GABRG3: variants seen among roughly 807,000 people sequenced by gnomAD.
The protein encoded by GABRG3 is gamma-aminobutyric acid receptor subunit gamma-3.
In GABRG3, 25 loss-of-function variants were observed where a neutral mutation model predicts 48.8. The observed-to-expected ratio is 0.51, with a 90% CI of 0.37 to 0.72. GABRG3 has a LOEUF of 0.72. Ranked by LOEUF, GABRG3 falls within the 30% of genes least tolerant of loss-of-function variation. GABRG3 has a pLI of 0.00. For missense variants in GABRG3, 394 were observed against 577.9 expected (o/e 0.68, Z 3.26); for synonymous variants, 227 against 217.6 (o/e 1.04, Z -0.38).
chr15:27,386,978 A>G (rs1474546800), intron 5 of GABRG3, among the ~76,000 whole-genome samples: 1 of 152,222 alleles, frequency 6.6e-6, no homozygotes, highest in African/African-American at 2.4e-5. Context: ...GTTACTGTGC[A>G]TATAAAAGTT....
At chr15:27,258,238 T>C (rs1890678762) in intron 3 of GABRG3, among the ~76,000 whole-genome samples, 1 of 152,182 alleles carries the variant, frequency 6.6e-6, no homozygotes, top group Admixed American at 6.5e-5. Context: ...AAGCTATACC[T>C]TATTACCTTA....
chr15:27,264,651 C>T (rs1444918909), intron 3 of GABRG3, among the ~76,000 whole-genome samples: 2 of 151,094 alleles, frequency 1.3e-5, no homozygotes, highest in Non-Finnish European at 2.9e-5. Flanking sequence ...CTCCTAACTA[C>T]TAAAACTACA....
At chr15:27,244,341 G>C (rs1277173912) in intron 3 of GABRG3, among the ~76,000 whole-genome samples, 1 of 152,172 alleles carries the variant, frequency 6.6e-6, no homozygotes, top group Non-Finnish European at 1.5e-5. Flanking sequence ...GAGACTTACT[G>C]CAAAGAAGGG....
At chr15:27,398,083 T>C (rs965340704) in intron 5 of GABRG3, among the ~76,000 whole-genome samples, 1 of 152,112 alleles carries the variant, frequency 6.6e-6, no homozygotes, top group Admixed American at 6.6e-5. Context: ...GGATTACAGG[T>C]GTGAGCCACT....
intron 6 of GABRG3, among the ~76,000 whole-genome samples, chr15:27,492,762 TGTGC>T (rs1403484077): frequency 6.6e-6 from 1 of 152,248 alleles, no homozygotes; most frequent in Non-Finnish European, 1.5e-5. Flanking sequence ...GCACTCACTT[TGTGC>T]GTGTAAAGGC....
intron 5 of GABRG3, among the ~76,000 whole-genome samples, chr15:27,473,183 C>T (rs1889837006): frequency 6.6e-6 from 1 of 152,156 alleles, no homozygotes; most frequent in Non-Finnish European, 1.5e-5. Context: ...GCTGAAATGG[C>T]ACTAACAGCA....
chr15:27,125,810 C>T (rs1053642509), intron 3 of GABRG3, among the ~76,000 whole-genome samples: 2 of 152,382 alleles, frequency 1.3e-5, no homozygotes, highest in South Asian at 2.1e-4. Flanking sequence ...CTGTCTGCCG[C>T]AAGGCTGGGT....
intron 3 of GABRG3, among the ~76,000 whole-genome samples, chr15:27,322,190 T>G (rs1419013710): frequency 6.6e-6 from 1 of 152,258 alleles, no homozygotes; most frequent in Non-Finnish European, 1.5e-5. Flanking sequence ...GAAGTGTTTC[T>G]TCAACATTTA....
rs1053126403 is a variant in GABRG3, at chr15:27,132,474, T to G, written c.270+105653T>G. Among the ~76,000 whole-genome samples, 641 of 138,518 alleles carry G rather than the reference T, an allele frequency of 4.6e-3. 73 individuals are homozygous for G. The highest frequency in any genetic ancestry group is 0.016 in the African/African-American group (560 of 35,776). 90.9% of individuals were successfully genotyped at this position (138,518 alleles called of 152,430 possible). A position where few individuals can be genotyped will look rare whatever the true frequency, so the allele number is the denominator to read the frequency against. On this transcript the variant is annotated intron_variant, in intron 3 of 9. Transcript: ENST00000615808. The stretch of plus-strand genomic sequence containing the variant: ...TTCAATCTTCCCAGTAGTTACAGTT[T>G]TTTTTTTTTTTTTTTTTTTTTTTTT...
intron 5 of GABRG3, among the ~76,000 whole-genome samples, chr15:27,342,508 A>C (rs1332171668): frequency 2.0e-5 from 3 of 152,194 alleles, no homozygotes; most frequent in East Asian, 1.9e-4. Flanking sequence ...ATGGACTCAC[A>C]TGCCAGACAG....
intron 5 of GABRG3, among the ~76,000 whole-genome samples, chr15:27,473,643 T>G (rs1042199137): frequency 2.8e-4 from 43 of 152,312 alleles, no homozygotes; most frequent in African/African-American, 1.0e-3. Flanking sequence ...AAAAAAGAAG[T>G]GGCTTTCATA....
At chr15:27,126,377 C>T (rs547518294) in intron 3 of GABRG3, among the ~76,000 whole-genome samples, 29 of 152,272 alleles carry the variant, frequency 1.9e-4, no homozygotes, top group African/African-American at 5.5e-4. Flanking sequence ...GTGAATCCAC[C>T]GTAACATTTG....
chr15:27,423,102 GGTAA>G (rs1368840635), intron 5 of GABRG3, among the ~76,000 whole-genome samples: 1 of 151,680 alleles, frequency 6.6e-6, no homozygotes. Context: ...GACCAGCCAG[GGTAA>G]CTGAAATTCA....
chr15:27,262,799 T>C (rs1477638577), intron 3 of GABRG3, among the ~76,000 whole-genome samples: 2 of 152,244 alleles, frequency 1.3e-5, no homozygotes, highest in Non-Finnish European at 2.9e-5. Context: ...TTAGTGCCAC[T>C]TTCCGCACAA....
chr15:27,377,822 G>C (rs1353361203), intron 5 of GABRG3, among the ~76,000 whole-genome samples: 2 of 152,178 alleles, frequency 1.3e-5, no homozygotes, highest in Admixed American at 6.5e-5. Context: ...TGTATATATG[G>C]AGTCTTTAGA....
chr15:27,010,245 C>T (rs1895660706), intron 2 of GABRG3, among the ~76,000 whole-genome samples: 2 of 152,242 alleles, frequency 1.3e-5, no homozygotes, highest in East Asian at 1.9e-4. Flanking sequence ...TGTGTGCCAC[C>T]CCTCCTCCAT....
intron 5 of GABRG3, among the ~76,000 whole-genome samples, chr15:27,338,198 C>T (rs1894040889): frequency 6.6e-6 from 1 of 152,094 alleles, no homozygotes; most frequent in South Asian, 2.1e-4. Context: ...CTGTCCGCCT[C>T]AGGAAATGGA....
At chr15:27,427,832 T>A (rs1888336566) in intron 5 of GABRG3, among the ~76,000 whole-genome samples, 1 of 152,206 alleles carries the variant, frequency 6.6e-6, no homozygotes, top group Admixed American at 6.5e-5. Context: ...ATCCCTCCCA[T>A]CCTCTGGAGT....
chr15:27,520,795 C>T (rs927862258), intron 7 of GABRG3, among the ~76,000 whole-genome samples: 1 of 149,932 alleles, frequency 6.7e-6, no homozygotes, highest in Non-Finnish European at 1.5e-5. Context: ...GATTGTTTTC[C>T]CCTAAAAAAA....
Sources: allele counts gnomAD v4.1 joint callset (sites outside exome capture counted in the v4.1 genomes callset), GRCh38; gene constraint gnomAD v4.1.1; transcripts MANE v1.5; gene names NCBI Gene and HGNC (gene_info 2026-07-23, HGNC 2026-07-21).